Variants in UBE2Q2 observed in about 807,000 individuals in gnomAD.
UBE2Q2 encodes the protein ubiquitin conjugating enzyme E2 Q2.
UBE2Q2 carries 54 observed loss-of-function variants against 59.9 expected under a neutral mutation model. That is an observed-to-expected ratio of 0.90 (90% CI 0.72 to 1.13). The LOEUF is 1.13. Ranked by LOEUF, UBE2Q2 falls within the 50% of genes most tolerant of loss-of-function variation. The probability of loss-of-function intolerance (pLI) is 0.00; values close to 1 mark genes in which losing one functional copy is unlikely to be tolerated. For missense variants in UBE2Q2, 433 were observed against 441.9 expected (o/e 0.98, Z 0.18); for synonymous variants, 165 against 155.2 (o/e 1.06, Z -0.47).
intron 4 of UBE2Q2, among the ~76,000 whole-genome samples, chr15:75,872,151 C>T (rs939989995): frequency 4.6e-5 from 7 of 151,808 alleles, no homozygotes; most frequent in South Asian, 2.1e-4. Context: ...AAAAGGAGGC[C>T]GGGGAGGTGA....
intron 5 of UBE2Q2, among the ~76,000 whole-genome samples, chr15:75,873,890 ACT>A (rs1210452864): frequency 2.0e-5 from 3 of 151,318 alleles, no homozygotes. Flanking sequence ...AGAGATGAGG[ACT>A]CTCTGTTGCC....
chr15:75,860,894 G>A (rs953627375), intron 3 of UBE2Q2, among the ~76,000 whole-genome samples: 1 of 152,120 alleles, frequency 6.6e-6, no homozygotes, highest in African/African-American at 2.4e-5. Flanking sequence ...ATATTCTCAG[G>A]TAAAACCCTA....
intron 1 of UBE2Q2, 99 bp downstream of exon 1, chr15:75,843,945 G>T (rs1413856992): frequency 2.8e-6 from 4 of 1,417,494 alleles, no homozygotes; most frequent in Non-Finnish European, 2.7e-6. Flanking sequence ...AGAGGCTCCG[G>T]CTCCCCGGGC....
intron 7 of UBE2Q2, 115 bp downstream of exon 7, chr15:75,878,136 C>A: frequency 1.3e-6 from 1 of 798,768 alleles, no homozygotes; most frequent in Non-Finnish European, 1.9e-6. Flanking sequence ...GAACTTTAGA[C>A]TTTGTTTCTA....
At chr15:75,881,472 T>C in intron 8 of UBE2Q2, among the ~76,000 whole-genome samples, 1 of 152,192 alleles carries the variant, frequency 6.6e-6, no homozygotes. Context: ...TGGCTCCTGA[T>C]ACCACAAAGA....
intron 1 of UBE2Q2, among the ~76,000 whole-genome samples, chr15:75,849,531 C>CA (rs1171900056): frequency 1.3e-5 from 2 of 152,046 alleles, no homozygotes; most frequent in Non-Finnish European, 2.9e-5. Context: ...CTAAATAAGA[C>CA]AAAAAAATCT....
intron 1 of UBE2Q2, among the ~76,000 whole-genome samples, chr15:75,847,888 C>T (rs1045184022): frequency 1.1e-4 from 17 of 152,224 alleles, no homozygotes; most frequent in Non-Finnish European, 2.1e-4. Flanking sequence ...ACCCTTTCTG[C>T]GTATAAGTGG....
chr15:75,898,384 G>A (rs1454676989), intron 12 of UBE2Q2, among the ~76,000 whole-genome samples: 1 of 151,652 alleles, frequency 6.6e-6, no homozygotes, highest in African/African-American at 2.4e-5. Context: ...AAATTTTTTT[G>A]TTATTTTAAA....
At chr15:75,851,933 C>T (rs1366276775) in intron 1 of UBE2Q2, among the ~76,000 whole-genome samples, 2 of 152,184 alleles carry the variant, frequency 1.3e-5, no homozygotes, top group South Asian at 2.1e-4. Context: ...AGTGCAGTAG[C>T]GTGATCACAG....
intron 8 of UBE2Q2, among the ~76,000 whole-genome samples, chr15:75,880,195 C>T (rs1014419173): frequency 1.3e-5 from 2 of 152,156 alleles, no homozygotes; most frequent in East Asian, 1.9e-4. Context: ...TCACTGCAAC[C>T]TCTGCCTCCT....
chr15:75,856,269 G>GTATATATATATATATATATA (rs60490503), intron 2 of UBE2Q2, among the ~76,000 whole-genome samples: 6 of 139,278 alleles, frequency 4.3e-5, no homozygotes, highest in African/African-American at 1.6e-4. Flanking sequence ...GTGTGTGTGT[G>GTATATATATATATATATATA]TATATATATA....
rs147317833 is a variant in UBE2Q2, at chr15:75,853,093, A to G, written c.181-1293A>G. ...TTTATAATAGAAAATCATACAAAGT[A>G]ACAGAGTAAATGTCTGTTAGTGGGT... On this transcript the variant is annotated intron_variant, in intron 1 of 12. Coordinates refer to ENST00000267938, the MANE Select transcript of UBE2Q2 (RefSeq NM_173469.4). 4.0e-3 allele frequency among the ~76,000 whole-genome samples: 613 copies of G among 152,378 alleles called. 6 individuals are homozygous for G. Among genetic ancestry groups the G allele is most frequent in the African/African-American group, 0.013 (538 of 41,584 alleles).
chr15:75,894,314 T>G (rs1279353532), intron 11 of UBE2Q2, among the ~76,000 whole-genome samples: 1 of 152,104 alleles, frequency 6.6e-6, no homozygotes, highest in Admixed American at 6.5e-5. Flanking sequence ...ACTCCTATAA[T>G]CCTAGCACTT....
rs1896356796 is a variant in UBE2Q2 at position 75,846,527 on chromosome 15, CTT to C, written c.180+2684_180+2685del. 5.3e-5 allele frequency among the ~76,000 whole-genome samples: 8 copies of C among 152,226 alleles called. No homozygotes were observed. In the South Asian group the frequency reaches 1.2e-3, roughly 24 times the overall value. On this transcript the variant is annotated intron_variant, in intron 1 of 12. Transcript: ENST00000267938. The stretch of plus-strand genomic sequence containing the variant: ...GCCACCGTTCCTGGCCGTAAAGACT[CTT>C]TTAAACATGGATGACTGTTTTGATA...
At chr15:75,897,179 G>T (rs1292121892) in intron 12 of UBE2Q2, 118 bp downstream of exon 12, 1 of 391,150 alleles carries the variant, frequency 2.6e-6, no homozygotes, top group East Asian at 4.1e-5. Flanking sequence ...TTACCATGGT[G>T]AAAGAAACTT....
At position 75,862,642 on chromosome 15, in the gene UBE2Q2, C is replaced by G. The variant is rs2655138; in HGVS notation, c.387+2660C>G. 9.7e-3 allele frequency among the ~76,000 whole-genome samples: 1,453 copies of G among 150,404 alleles called. 24 individuals carry two copies. Among genetic ancestry groups the G allele is most frequent in the African/African-American group, 0.033 (1,345 of 41,012 alleles). ...ACCAGCCTGGGCAACATATTGAGAC[C>G]CCATCTTTACAAAAAATAAAAAATT... is the stretch of plus-strand genomic sequence containing the variant. On this transcript the variant is annotated intron_variant, in intron 3 of 12. Coordinates refer to ENST00000267938, the MANE Select transcript of UBE2Q2 (RefSeq NM_173469.4).
intron 9 of UBE2Q2, among the ~76,000 whole-genome samples, chr15:75,885,697 T>C (rs1898723822): frequency 6.6e-6 from 1 of 152,228 alleles, no homozygotes; most frequent in Non-Finnish European, 1.5e-5. Context: ...GAGCAGATGT[T>C]AGAGGTTTCC....
Position 75,843,846 on chromosome 15 carries a change from G to A in UBE2Q2, c.180G>A (p.Thr60=). The change falls in exon 1 of 13, where the codon ACG becomes ACA. Residue 60 remains threonine, a splice_region_variant and synonymous_variant. Transcript: ENST00000267938. ...PPPLTLHCNI[T]ESYPSSSPIW... is the part of the protein sequence containing the mutation. Reference sequence around the variant, plus strand: ...CACTCACGCTCCACTGCAACATCACGGTGAGGCGCCCGGCCGCGGCCCCGC... The same window carrying A: ...CACTCACGCTCCACTGCAACATCACAGTGAGGCGCCCGGCCGCGGCCCCGC... 3 of 1,574,572 alleles carry A rather than the reference G, an allele frequency of 1.9e-6. No individual in the cohort carries two copies. Among genetic ancestry groups the A allele is most frequent in the Non-Finnish European group, 2.6e-6 (3 of 1,162,136 alleles).
chr15:75,851,845 GT>G (rs1452141816), intron 1 of UBE2Q2, among the ~76,000 whole-genome samples: 1 of 152,110 alleles, frequency 6.6e-6, no homozygotes, highest in African/African-American at 2.4e-5. Flanking sequence ...GGATTCAGAT[GT>G]AGTAAAATTT....
Sources: allele counts gnomAD v4.1 joint callset (sites outside exome capture counted in the v4.1 genomes callset), GRCh38; gene constraint gnomAD v4.1.1; transcripts MANE v1.5; gene names NCBI Gene and HGNC (gene_info 2026-07-23, HGNC 2026-07-21).